FAM135B: variants seen among roughly 807,000 people sequenced by gnomAD.
The protein encoded by FAM135B is protein FAM135B.
FAM135B carries 43 observed loss-of-function variants against 127.7 expected under a neutral mutation model. The ratio of observed to expected loss-of-function variants is 0.34; its 90% CI spans 0.26 to 0.43. The LOEUF (loss-of-function observed/expected upper bound fraction) is 0.43, where lower values mean the gene tolerates loss of function less well. Ranked by LOEUF, FAM135B falls within the 20% of genes least tolerant of loss-of-function variation. The pLI is 1.00. For missense variants in FAM135B, 1,558 were observed against 1,725.6 expected (o/e 0.90, Z 1.72); for synonymous variants, 670 against 665.1 (o/e 1.01, Z -0.11).
intron 1 of FAM135B, among the ~76,000 whole-genome samples, chr8:138,496,000 G>A (rs1208928309): frequency 6.6e-6 from 1 of 152,178 alleles, no homozygotes; most frequent in East Asian, 1.9e-4. Context: ...GTGGGGAGAA[G>A]GGGAGGGCAT....
chr8:138,169,303 G>C (rs9694475), intron 11 of FAM135B, among the ~76,000 whole-genome samples: 1 of 148,032 alleles, frequency 6.8e-6, no homozygotes, highest in Non-Finnish European at 1.5e-5. Context: ...CTGAATTCTC[G>C]GAATATTTAA....
At chr8:138,193,972 A>G (rs1318699285) in intron 9 of FAM135B, among the ~76,000 whole-genome samples, 3 of 152,148 alleles carry the variant, frequency 2.0e-5, no homozygotes, top group Non-Finnish European at 4.4e-5. Flanking sequence ...GGGAAGGATG[A>G]GAGCTGTAGC....
At chr8:138,221,511 T>C (rs1819021965) in intron 7 of FAM135B, among the ~76,000 whole-genome samples, 2 of 152,146 alleles carry the variant, frequency 1.3e-5, no homozygotes, top group African/African-American at 4.8e-5. Flanking sequence ...ACTCTCAGAT[T>C]TGAGAAGACA....
intron 17 of FAM135B, 124 bp from the exon 18 acceptor site, chr8:138,139,220 A>G (rs1476487346): frequency 3.3e-6 from 2 of 605,264 alleles, no homozygotes; most frequent in African/African-American, 3.7e-5. Context: ...AGAGAGAAGT[A>G]GGCATACTAG....
chr8:138,246,623 C>G (rs972928538), intron 6 of FAM135B, among the ~76,000 whole-genome samples: 9 of 152,090 alleles, frequency 5.9e-5, no homozygotes, highest in African/African-American at 2.2e-4. Context: ...AGGAGCAGAC[C>G]CCTCATGGAG....
chr8:138,345,261 T>A (rs187599782), intron 2 of FAM135B, among the ~76,000 whole-genome samples: 224 of 152,236 alleles, frequency 1.5e-3, no homozygotes, highest in African/African-American at 5.0e-3. Context: ...GTGAGGTGAT[T>A]AGCATAAGTG....
intron 3 of FAM135B, among the ~76,000 whole-genome samples, chr8:138,292,686 T>TA (rs572291005): frequency 4.6e-5 from 7 of 152,054 alleles, no homozygotes; most frequent in Non-Finnish European, 1.0e-4. Context: ...AATGGGGTGG[T>TA]AATTATTTTA....
chr8:138,172,448 A>G (rs56411233), intron 11 of FAM135B, among the ~76,000 whole-genome samples: 11,208 of 152,292 alleles, frequency 0.074, 739 homozygotes, highest in East Asian at 0.17. Flanking sequence ...CTCAGTGAGT[A>G]TAAATGTCAC....
intron 5 of FAM135B, 141 bp from the exon 6 acceptor site, chr8:138,251,155 T>A: frequency 2.0e-6 from 2 of 987,260 alleles, no homozygotes; most frequent in Non-Finnish European, 1.5e-6. Flanking sequence ...CTCTGCCTGG[T>A]AGAAATCATT....
chr8:138,442,776 G>C (rs2131553382), intron 1 of FAM135B, among the ~76,000 whole-genome samples: 1 of 152,244 alleles, frequency 6.6e-6, no homozygotes, highest in African/African-American at 2.4e-5. Flanking sequence ...AAGCCCTGCT[G>C]TGCTGAGGAG....
At chr8:138,438,621 T>C (rs996728150) in intron 1 of FAM135B, 3 of 152,074 alleles carry the variant, frequency 2.0e-5, no homozygotes, top group South Asian at 2.1e-4. Context: ...AGGGGAAATA[T>C]ATAACCAAGG....
chr8:138,463,538 T>C (rs1837238049), intron 1 of FAM135B, among the ~76,000 whole-genome samples: 1 of 152,300 alleles, frequency 6.6e-6, no homozygotes, highest in African/African-American at 2.4e-5. Flanking sequence ...GTGCTTCAGC[T>C]CCTCTGGGTA....
chr8:138,479,727 T>C (rs1814696773), intron 1 of FAM135B, among the ~76,000 whole-genome samples: 1 of 152,216 alleles, frequency 6.6e-6, no homozygotes, highest in Admixed American at 6.5e-5. Context: ...ATGATGATGA[T>C]TGTATCTTTG....
rs1008106410 is a variant in FAM135B at position 138,440,483 on chromosome 8, A to G, written c.-20+56188T>C. ...TCCAAAAAAGGTAAAATTAGAATTTAAATATTTATAATAATGCACATGAAA... is the reference window on the plus strand; with the variant it reads ...TCCAAAAAAGGTAAAATTAGAATTTGAATATTTATAATAATGCACATGAAA... On this transcript the variant is annotated intron_variant, in intron 1 of 19. Transcript: ENST00000395297. 8 of 121,616 alleles carry G rather than the reference A, an allele frequency of 6.6e-5. No individual in the cohort carries two copies. In the South Asian group the frequency reaches 7.6e-4, roughly 12 times the overall value. The allele number at this position is 121,616 out of a possible 1,614,324, so 7.5% of individuals were successfully genotyped here.
At chr8:138,345,548 G>C (rs1202493531) in intron 2 of FAM135B, among the ~76,000 whole-genome samples, 1 of 134,838 alleles carries the variant, frequency 7.4e-6, no homozygotes, top group Non-Finnish European at 1.6e-5. Context: ...CCCTTGTTTT[G>C]CCAGTGTGGT....
At chr8:138,313,278 C>T (rs1826832384) in intron 2 of FAM135B, among the ~76,000 whole-genome samples, 1 of 152,066 alleles carries the variant, frequency 6.6e-6, no homozygotes, top group Non-Finnish European at 1.5e-5. Flanking sequence ...ATCACAGGTA[C>T]CCACCACCAT....
intron 12 of FAM135B, among the ~76,000 whole-genome samples, chr8:138,155,035 C>A (rs1277703567): frequency 6.6e-6 from 1 of 152,170 alleles, no homozygotes; most frequent in Non-Finnish European, 1.5e-5. Flanking sequence ...ATGTTAAGGG[C>A]AGCCAGAGAG....
At chr8:138,459,680 C>T (rs1837011803) in intron 1 of FAM135B, 1 of 152,216 alleles carries the variant, frequency 6.6e-6, no homozygotes, top group Admixed American at 6.5e-5. Flanking sequence ...CAGATCTGGA[C>T]TGAGGTAGGG....
At chr8:138,298,580 C>T (rs112446912) in intron 3 of FAM135B, among the ~76,000 whole-genome samples, 1 of 151,988 alleles carries the variant, frequency 6.6e-6, no homozygotes, top group Non-Finnish European at 1.5e-5. Context: ...TAAGAGGAAC[C>T]CAGCAATGAG....
Sources: gnomAD v4.1 joint callset for allele counts (sites outside exome capture counted in the v4.1 genomes callset) on GRCh38, gnomAD v4.1.1 for gene constraint, MANE v1.5 for transcripts, NCBI Gene and HGNC (gene_info 2026-07-23, HGNC 2026-07-21) for gene names.